EPM2A: variants seen among roughly 807,000 people sequenced by gnomAD.
EPM2A encodes the protein EPM2A glucan phosphatase, laforin.
A neutral mutation model predicts 26.5 loss-of-function variants in EPM2A; 21 were observed. That is an observed-to-expected ratio of 0.79 (90% confidence interval 0.56 to 1.14). The LOEUF is 1.14. Ranked by LOEUF, EPM2A falls within the 50% of genes most tolerant of loss-of-function variation. The pLI is 0.00. For missense variants in EPM2A, 458 were observed against 440.8 expected (o/e 1.04, Z -0.35); for synonymous variants, 217 against 177.6 (o/e 1.22, Z -1.76).
intron 4 of EPM2A, among the ~76,000 whole-genome samples, chr6:145,436,350 T>C (rs1246033484): frequency 6.6e-6 from 1 of 152,206 alleles, no homozygotes; most frequent in Non-Finnish European, 1.5e-5. Context: ...TTCCCTTAGA[T>C]ATATATCTAG....
chr6:145,493,429 GCAAA>G (rs1779779428), intron 4 of EPM2A, among the ~76,000 whole-genome samples: 2 of 152,144 alleles, frequency 1.3e-5, no homozygotes, highest in Admixed American at 6.5e-5. Flanking sequence ...CATGTCATCC[GCAAA>G]CAGAGATAGT....
In EPM2A at chr6:145,626,765, T is replaced by C. The variant is rs1266498954; in HGVS notation, c.*651A>G. The C allele has an allele frequency of 1.0e-6, 1 of 985,858 alleles. No individual in the cohort carries two copies. The highest frequency in any genetic ancestry group is 1.2e-6 in the Non-Finnish European group (1 of 830,428). 61.1% of individuals were successfully genotyped at this position (985,858 alleles called of 1,614,324 possible). On this transcript the variant is annotated 3_prime_UTR_variant, in exon 4 of 4. Coordinates refer to ENST00000367519, the MANE Select transcript of EPM2A (RefSeq NM_005670.4). The stretch of plus-strand genomic sequence containing the variant: ...CAAGGGTATTTTTTGCTTTGTTTGG[T>C]AATTTTGAGGAAAAACAACAACAAA...
At chr6:145,671,206 AAT>A in intron 2 of EPM2A, 1 of 1,021,448 alleles carries the variant, frequency 9.8e-7, no homozygotes. Flanking sequence ...AAAAAAAAAA[AAT>A]CTTATCATTA....
At chr6:145,479,725 C>A (rs1417481078) in intron 4 of EPM2A, among the ~76,000 whole-genome samples, 3 of 152,062 alleles carry the variant, frequency 2.0e-5, no homozygotes, top group Admixed American at 2.0e-4. Context: ...TATTGGCATA[C>A]AAATATCTGT....
intron 4 of EPM2A, chr6:145,490,080 G>A (rs749346404): frequency 2.6e-5 from 34 of 1,288,218 alleles, no homozygotes; most frequent in Non-Finnish European, 3.7e-5. Context: ...AGCAATGGTA[G>A]CACACGCACC....
At chr6:145,496,135 T>C (rs398812) in intron 4 of EPM2A, among the ~76,000 whole-genome samples, 68,245 of 151,792 alleles carry the variant, frequency 0.45, 15,363 homozygotes, top group South Asian at 0.58. Context: ...AGCCTCCAAT[T>C]ACTTCTGGCT....
intron 2 of EPM2A, among the ~76,000 whole-genome samples, chr6:145,646,166 C>T (rs1276464005): frequency 6.6e-6 from 1 of 151,772 alleles, no homozygotes; most frequent in Non-Finnish European, 1.5e-5. Context: ...TTTCTTTTTT[C>T]TTTTTTTGAG....
At chr6:145,735,682 A>G (rs1776840825), upstream of EPM2A, 2 of 1,067,752 alleles carry the variant, frequency 1.9e-6, no homozygotes, top group Non-Finnish European at 2.3e-6. Flanking sequence ...GACTTCGTCC[A>G]GGCCGGCGGG....
chr6:145,402,971 A>G (rs1478439195), intron 4 of EPM2A, among the ~76,000 whole-genome samples: 1 of 152,194 alleles, frequency 6.6e-6, no homozygotes, highest in Non-Finnish European at 1.5e-5. Flanking sequence ...TTCAAGTTAC[A>G]TTTCCAGTAG....
At chr6:145,587,558 C>T (rs1348258882) in intron 2 of EPM2A, among the ~76,000 whole-genome samples, 1 of 152,148 alleles carries the variant, frequency 6.6e-6, no homozygotes, top group East Asian at 1.9e-4. Context: ...AACAGCTGTT[C>T]CTTGACTTCT....
chr6:145,661,597 A>G (rs1778713752), intron 2 of EPM2A, among the ~76,000 whole-genome samples: 1 of 152,236 alleles, frequency 6.6e-6, no homozygotes, highest in South Asian at 2.1e-4. Flanking sequence ...TGATACTTCT[A>G]AACTCAGCTT....
chr6:145,700,085 A>C (rs557985405), intron 1 of EPM2A, among the ~76,000 whole-genome samples: 9 of 152,300 alleles, frequency 5.9e-5, no homozygotes, highest in Admixed American at 5.9e-4. Flanking sequence ...AAGAGATGCC[A>C]AAAGATTTGA....
At chr6:145,561,623 T>C (rs1211050102) in intron 2 of EPM2A, among the ~76,000 whole-genome samples, 2 of 152,158 alleles carry the variant, frequency 1.3e-5, no homozygotes, top group Non-Finnish European at 2.9e-5. Context: ...ATAGGCCCAC[T>C]GTTTTTCTCC....
chr6:145,468,653 T>C (rs1217089174), intron 4 of EPM2A, among the ~76,000 whole-genome samples: 1 of 151,942 alleles, frequency 6.6e-6, no homozygotes, highest in East Asian at 1.9e-4. Flanking sequence ...AAGACTTAAA[T>C]CTAAGGCCTC....
chr6:145,416,252 CTT>C (rs71753932), intron 4 of EPM2A, among the ~76,000 whole-genome samples: 2 of 146,144 alleles, frequency 1.4e-5, no homozygotes, highest in African/African-American at 5.0e-5. Context: ...AACAGGCAGG[CTT>C]TTTTTTTTTT....
intron 4 of EPM2A, chr6:145,490,498 C>G (rs550859676): frequency 1.4e-6 from 1 of 720,854 alleles, no homozygotes; most frequent in South Asian, 1.4e-5. Context: ...ATGTCCAGAA[C>G]AGTCAAACTG....
At chr6:145,393,294 G>T (rs1377206460) in intron 4 of EPM2A, among the ~76,000 whole-genome samples, 1 of 151,968 alleles carries the variant, frequency 6.6e-6, no homozygotes, top group Non-Finnish European at 1.5e-5. Context: ...GCAGAATCAG[G>T]GGCTTTCCAC....
chr6:145,451,278 C>A (rs187305272), intron 4 of EPM2A, among the ~76,000 whole-genome samples: 1 of 152,126 alleles, frequency 6.6e-6, no homozygotes, highest in Non-Finnish European at 1.5e-5. Context: ...GTATTACTTG[C>A]TGCATCACTA....
intron 4 of EPM2A, among the ~76,000 whole-genome samples, chr6:145,404,037 A>G (rs1474721164): frequency 6.6e-6 from 1 of 152,064 alleles, no homozygotes; most frequent in Non-Finnish European, 1.5e-5. Context: ...ACCTTTTCAT[A>G]TGCCTGTTTG....
Sources: allele counts gnomAD v4.1 joint callset (sites outside exome capture counted in the v4.1 genomes callset), GRCh38; gene constraint gnomAD v4.1.1; transcripts MANE v1.5; gene names NCBI Gene and HGNC (gene_info 2026-07-23, HGNC 2026-07-21).